Variants in PAPPA2 observed in about 807,000 individuals in gnomAD.
The protein encoded by PAPPA2 is pappalysin 2.
Under a neutral mutation model 176.4 loss-of-function variants are expected in PAPPA2, and 86 were observed. The observed-to-expected ratio is 0.49, with a 90% CI of 0.41 to 0.58. The LOEUF (loss-of-function observed/expected upper bound fraction) is 0.58, where lower values mean the gene tolerates loss of function less well. PAPPA2 is among the 20% of genes least tolerant of loss of function. The pLI is 0.00. For missense variants in PAPPA2, 2,073 were observed against 2,256.9 expected, an observed-to-expected ratio of 0.92 and a Z score of 1.65; for synonymous variants, 809 against 852.2, an observed-to-expected ratio of 0.95 and a Z score of 0.88.
At chr1:176,693,260 C>T (rs1660208331) in intron 6 of PAPPA2, among the ~76,000 whole-genome samples, 1 of 152,172 alleles carries the variant, frequency 6.6e-6, no homozygotes, top group African/African-American at 2.4e-5. Context: ...TTTACTTGCA[C>T]TTGTCTTATT....
At chr1:176,696,227 A>G (rs1187572365) in intron 7 of PAPPA2, among the ~76,000 whole-genome samples, 1 of 150,760 alleles carries the variant, frequency 6.6e-6, no homozygotes, top group Non-Finnish European at 1.5e-5. Flanking sequence ...GTGCCATGTG[A>G]CAGTGTAAGC....
chr1:176,838,605 G>C (rs1421163305), intron 21 of PAPPA2, among the ~76,000 whole-genome samples: 2 of 152,192 alleles, frequency 1.3e-5, no homozygotes, highest in Admixed American at 6.5e-5. Flanking sequence ...AGTTATCTTT[G>C]ACTTTGATTA....
At chr1:176,466,824 G>T (rs907571602) in intron 1 of PAPPA2, among the ~76,000 whole-genome samples, 1 of 152,162 alleles carries the variant, frequency 6.6e-6, no homozygotes, top group African/African-American at 2.4e-5. Context: ...TCCCTGCAAC[G>T]TGGAGGGAGA....
rs114893843 is a variant in PAPPA2 at position 176,632,427 on chromosome 1, G to C, written c.1991+36832G>C. Reference sequence around the variant, plus strand: ...GATCAAGAAAGTGAAGACTCCGGAGGCTGAGGCAGGAGAATGGCGTGAACC... The same window carrying C: ...GATCAAGAAAGTGAAGACTCCGGAGCCTGAGGCAGGAGAATGGCGTGAACC... On this transcript the variant is annotated intron_variant, in intron 3 of 22. Coordinates refer to ENST00000367662, the MANE Select transcript of PAPPA2 (RefSeq NM_020318.3). Among the ~76,000 whole-genome samples, 370 of 152,192 alleles carry C rather than the reference G, an allele frequency of 2.4e-3. 1 individual carries two copies. Among genetic ancestry groups the C allele is most frequent in the African/African-American group, 7.6e-3 (314 of 41,520 alleles).
intron 2 of PAPPA2, among the ~76,000 whole-genome samples, chr1:176,574,778 G>A (rs969167838): frequency 2.0e-5 from 3 of 152,208 alleles, no homozygotes; most frequent in Admixed American, 6.5e-5. Flanking sequence ...CCATGTGTAC[G>A]ATAGTGGCCA....
In PAPPA2 at chr1:176,710,089, G is replaced by T; in HGVS notation, c.3564G>T (p.Leu1188Phe). Reference protein sequence around the residue: ...DCGIYTPKGYLDQWATRAYSS... With the variant: ...DCGIYTPKGYFDQWATRAYSS... The stretch of plus-strand genomic sequence containing the variant: ...GCATCTACACTCCCAAAGGATACTT[G>T]GATCAATGGGCTACCCGGGCTTACT... The change falls in exon 11 of 23, where the codon TTG becomes TTT. Residue 1188 changes from leucine (L) to phenylalanine (F), a missense_variant. Physicochemically the swap from Leu to Phe is conservative, Grantham distance 22. This residue lies in a region of PAPPA2 where 846 missense variants were observed against 857.9 expected (regional missense o/e 0.99). Coordinates refer to ENST00000367662, the MANE Select transcript of PAPPA2 (RefSeq NM_020318.3). The T allele has an allele frequency of 6.2e-7, 1 of 1,613,850 alleles. No individual in the cohort carries two copies. The highest frequency in any genetic ancestry group is 1.7e-4 in the Middle Eastern group (1 of 6,060).
chr1:176,774,428 T>C (rs1490977060), intron 17 of PAPPA2, among the ~76,000 whole-genome samples: 1 of 152,190 alleles, frequency 6.6e-6, no homozygotes, highest in Non-Finnish European at 1.5e-5. Flanking sequence ...CTTTCAAATA[T>C]GCATATCTTT....
intron 9 of PAPPA2, among the ~76,000 whole-genome samples, chr1:176,705,809 A>G (rs1660857366): frequency 6.6e-6 from 1 of 152,234 alleles, no homozygotes. Context: ...CTGAGCCCTA[A>G]GGATTCCCTA....
intron 12 of PAPPA2, among the ~76,000 whole-genome samples, chr1:176,713,192 G>C (rs1323485930): frequency 6.7e-6 from 1 of 149,750 alleles, no homozygotes; most frequent in Admixed American, 6.7e-5. Flanking sequence ...GTCTCGCTCT[G>C]TTTTCCAGGC....
chr1:176,730,718 T>A (rs761787286), intron 12 of PAPPA2, among the ~76,000 whole-genome samples: 5 of 152,068 alleles, frequency 3.3e-5, no homozygotes, highest in African/African-American at 4.8e-5. Flanking sequence ...GTTTGGCTAA[T>A]TTGTTTTAGG....
intron 21 of PAPPA2, among the ~76,000 whole-genome samples, chr1:176,835,019 T>G (rs781024801): frequency 6.6e-6 from 1 of 152,126 alleles, no homozygotes; most frequent in African/African-American, 2.4e-5. Context: ...ATTGAGATTA[T>G]GCATGACCAT....
In PAPPA2 at chr1:176,700,487, T is replaced by C. The variant is rs550621433; in HGVS notation, c.3236+898T>C. Among the ~76,000 whole-genome samples the C allele has an allele frequency of 2.9e-4, 44 of 152,384 alleles. 1 individual carries two copies. Among genetic ancestry groups the C allele is most frequent in the African/African-American group, 1.0e-3 (43 of 41,588 alleles). On this transcript the variant is annotated intron_variant, in intron 8 of 22. Transcript: ENST00000367662. ...GTTGGGTGCTCTCATCTAGACTTACTTGGCTAGCACCAGATGGCCCGGGAT... is the reference window on the plus strand; with the variant it reads ...GTTGGGTGCTCTCATCTAGACTTACCTGGCTAGCACCAGATGGCCCGGGAT...
At chr1:176,471,120 A>T (rs1172334754) in intron 1 of PAPPA2, among the ~76,000 whole-genome samples, 1 of 152,164 alleles carries the variant, frequency 6.6e-6, no homozygotes, top group Non-Finnish European at 1.5e-5. Flanking sequence ...GTTACTTGGT[A>T]CAACAAGAAC....
chr1:176,670,713 A>G (rs1478489934), intron 3 of PAPPA2, among the ~76,000 whole-genome samples: 1 of 152,220 alleles, frequency 6.6e-6, no homozygotes, highest in African/African-American at 2.4e-5. Context: ...GGAATTGAGT[A>G]TGATGTCAAA....
intron 1 of PAPPA2, among the ~76,000 whole-genome samples, chr1:176,465,879 G>A (rs207460670): frequency 6.6e-6 from 1 of 151,900 alleles, no homozygotes. Flanking sequence ...TTCCTTTTGC[G>A]AGAACATGTG....
chr1:176,539,983 C>G (rs1331931579), intron 1 of PAPPA2, among the ~76,000 whole-genome samples: 1 of 152,158 alleles, frequency 6.6e-6, no homozygotes, highest in East Asian at 1.9e-4. Flanking sequence ...ACTGTTCCAA[C>G]CTTTGTATCC....
At chr1:176,713,495 G>C (rs938735119) in intron 12 of PAPPA2, among the ~76,000 whole-genome samples, 1 of 152,074 alleles carries the variant, frequency 6.6e-6, no homozygotes, top group Non-Finnish European at 1.5e-5. Context: ...TAATAATTTT[G>C]CCTTTACCTA....
At chr1:176,524,792 G>A (rs1649396099) in intron 1 of PAPPA2, among the ~76,000 whole-genome samples, 1 of 152,192 alleles carries the variant, frequency 6.6e-6, no homozygotes, top group East Asian at 1.9e-4. Flanking sequence ...GGGAGGCCCT[G>A]GCGGGCGGAT....
intron 1 of PAPPA2, among the ~76,000 whole-genome samples, chr1:176,489,881 C>T (rs1652815043): frequency 6.6e-6 from 1 of 152,164 alleles, no homozygotes; most frequent in African/African-American, 2.4e-5. Context: ...GCTCATTCAG[C>T]TATTTATCTC....
Sources: allele counts gnomAD v4.1 joint callset (sites outside exome capture counted in the v4.1 genomes callset), GRCh38; gene constraint gnomAD v4.1.1; regional missense constraint gnomAD v4.1.1; transcripts MANE v1.5; gene names NCBI Gene and HGNC (gene_info 2026-07-23, HGNC 2026-07-21).